The following CFAP299 variants were observed in gnomAD, a reference collection of about 807,000 sequenced individuals.
The protein encoded by CFAP299 is cilia and flagella associated protein 299.
CFAP299 carries 21 observed loss-of-function variants against 27.0 expected under a neutral mutation model. The observed-to-expected ratio is 0.78, with a 90% confidence interval of 0.55 to 1.12. CFAP299 has a LOEUF of 1.12. CFAP299 is among the 50% of genes most tolerant of loss of function. The pLI, the probability that CFAP299 is intolerant of heterozygous loss-of-function variation, is 0.00. For missense variants in CFAP299, 310 were observed against 276.6 expected, an observed-to-expected ratio of 1.12 and a Z score of -0.86; for synonymous variants, 104 against 98.1, an observed-to-expected ratio of 1.06 and a Z score of -0.36.
chr4:80,652,211 A>C (rs964121509), intron 3 of CFAP299, among the ~76,000 whole-genome samples: 1 of 152,134 alleles, frequency 6.6e-6, no homozygotes, highest in African/African-American at 2.4e-5. Context: ...TGTTGCCAGA[A>C]TATTTCATCA....
At chr4:80,938,421 A>G (rs981072578) in intron 4 of CFAP299, among the ~76,000 whole-genome samples, 7 of 152,228 alleles carry the variant, frequency 4.6e-5, no homozygotes, top group African/African-American at 1.7e-4. Flanking sequence ...CCTTAAAGAC[A>G]TGATCCTGCT....
At chr4:80,710,483 C>CTT (rs372010060) in intron 3 of CFAP299, among the ~76,000 whole-genome samples, 979 of 94,958 alleles carry the variant, frequency 0.01, 15 homozygotes, top group South Asian at 0.071. Context: ...TTTTCTTTTT[C>CTT]TTTTTTTTTT....
At chr4:80,511,354 C>T (rs900024846) in intron 2 of CFAP299, among the ~76,000 whole-genome samples, 7 of 152,140 alleles carry the variant, frequency 4.6e-5, no homozygotes, top group Admixed American at 2.0e-4. Flanking sequence ...CACATAGCAT[C>T]TAACAATTTA....
intron 1 of CFAP299, 41 bp downstream of exon 1, chr4:80,335,920 C>T (rs761543995): frequency 1.6e-6 from 2 of 1,255,572 alleles, no homozygotes; most frequent in African/African-American, 1.5e-5. Flanking sequence ...GCCGCGCGTC[C>T]CTCGGTCCCT....
intron 3 of CFAP299, among the ~76,000 whole-genome samples, chr4:80,636,805 T>A (rs935553661): frequency 1.3e-5 from 2 of 152,192 alleles, no homozygotes; most frequent in African/African-American, 4.8e-5. Flanking sequence ...AATGGCAAAG[T>A]TGACTAATTG....
Position 80,386,727 on chromosome 4 carries a change from C to G in CFAP299, c.242+23843C>G, listed in dbSNP as rs914808137. ...AGGGCGCATTTGTGGAGCTTCATGCCGGAGTGGGAGAGGACATGGGCCTTC... is the reference window on the plus strand; with the variant it reads ...AGGGCGCATTTGTGGAGCTTCATGCGGGAGTGGGAGAGGACATGGGCCTTC... On this transcript the variant is annotated intron_variant, in intron 2 of 5. Coordinates refer to ENST00000358105, the MANE Select transcript of CFAP299 (RefSeq NM_152770.3). The G allele has an allele frequency of 5.8e-6, 9 of 1,557,850 alleles. No individual in the cohort carries two copies. The Admixed American group carries it at 6.8e-5, about 12-fold the overall frequency.
At chr4:80,329,139 AAGATAATTC>A in the CFAP299 span, among the ~76,000 whole-genome samples, 1 of 150,818 alleles carries the variant, frequency 6.6e-6, no homozygotes, top group South Asian at 2.1e-4. Flanking sequence ...TGTGTGGCCC[AAGATAATTC>A]TTCTTCCAAT....
chr4:80,415,130 C>T (rs915232483), intron 2 of CFAP299, among the ~76,000 whole-genome samples: 7 of 152,112 alleles, frequency 4.6e-5, no homozygotes, highest in African/African-American at 1.7e-4. Context: ...ATTAAGTCAA[C>T]TTAAAAAATG....
chr4:80,951,410 A>T (rs993841484), intron 5 of CFAP299, among the ~76,000 whole-genome samples: 16 of 152,216 alleles, frequency 1.1e-4, no homozygotes, highest in Non-Finnish European at 1.9e-4. Flanking sequence ...AATACTCCTG[A>T]CTATTAAGCC....
intron 4 of CFAP299, among the ~76,000 whole-genome samples, chr4:80,927,563 G>A (rs1265418694): frequency 6.6e-6 from 1 of 152,046 alleles, no homozygotes; most frequent in Non-Finnish European, 1.5e-5. Context: ...GTCTCACAAG[G>A]CTGAAATCAA....
chr4:80,760,679 T>C (rs1725498870), intron 3 of CFAP299, among the ~76,000 whole-genome samples: 1 of 152,206 alleles, frequency 6.6e-6, no homozygotes, highest in Non-Finnish European at 1.5e-5. Context: ...GATACAATTC[T>C]AAACAAGACC....
intron 4 of CFAP299, among the ~76,000 whole-genome samples, chr4:80,929,273 G>C (rs1173024945): frequency 6.7e-6 from 1 of 149,564 alleles, no homozygotes; most frequent in South Asian, 2.1e-4. Context: ...CTACTCATCC[G>C]GTCTCTGGCA....
intron 1 of CFAP299, among the ~76,000 whole-genome samples, chr4:80,341,422 G>A (rs909039107): frequency 7.9e-5 from 12 of 152,296 alleles, no homozygotes; most frequent in African/African-American, 2.6e-4. Flanking sequence ...ACCTCCTACA[G>A]GAGGGTCTGG....
At chr4:80,807,111 C>T (rs568518559) in intron 3 of CFAP299, among the ~76,000 whole-genome samples, 1 of 152,034 alleles carries the variant, frequency 6.6e-6, no homozygotes, top group African/African-American at 2.4e-5. Flanking sequence ...CCTGAATGAA[C>T]AGAAATCTGC....
chr4:80,476,954 C>T lies in CFAP299; in HGVS notation c.243-106139C>T, dbSNP rs540425183. On this transcript the variant is annotated intron_variant, in intron 2 of 5. Transcript: ENST00000358105. ...TTTTGTGTGTGTGTGCGTGTGTGTGCGCATGCGTGTGTGTGTGTGTGTGTG... is the reference window on the plus strand; with the variant it reads ...TTTTGTGTGTGTGTGCGTGTGTGTGTGCATGCGTGTGTGTGTGTGTGTGTG... Among the ~76,000 whole-genome samples the T allele has an allele frequency of 6.9e-3, 840 of 122,106 alleles. 5 individuals are homozygous for T. The highest frequency in any genetic ancestry group is 0.02 in the Middle Eastern group (5 of 252). 80.1% of individuals were successfully genotyped at this position (122,106 alleles called of 152,430 possible).
chr4:80,327,690 TTATATATA>T, the CFAP299 span, among the ~76,000 whole-genome samples: 87 of 51,236 alleles, frequency 1.7e-3, no homozygotes, highest in African/African-American at 3.8e-3. Context: ...TAGAGAGAAG[TTATATATA>T]TATATATATA....
At chr4:80,882,415 G>C (rs187825138) in intron 4 of CFAP299, among the ~76,000 whole-genome samples, 55 of 152,204 alleles carry the variant, frequency 3.6e-4, no homozygotes, top group Non-Finnish European at 7.2e-4. Flanking sequence ...GAGGCGGGCG[G>C]ATTACGAGGT....
chr4:80,623,195 G>T (rs529593114), intron 3 of CFAP299, among the ~76,000 whole-genome samples: 47 of 151,768 alleles, frequency 3.1e-4, no homozygotes, highest in South Asian at 6.3e-4. Flanking sequence ...AGGGGAAAGG[G>T]GTATTCCTTT....
At chr4:80,780,080 A>G (rs918565003) in intron 3 of CFAP299, among the ~76,000 whole-genome samples, 6 of 151,804 alleles carry the variant, frequency 4.0e-5, no homozygotes, top group Non-Finnish European at 8.8e-5. Flanking sequence ...TGTTCATTTT[A>G]TGCTTTGATT....
Sources: gnomAD v4.1 joint callset for allele counts (sites outside exome capture counted in the v4.1 genomes callset) on GRCh38, gnomAD v4.1.1 for gene constraint, MANE v1.5 for transcripts, NCBI Gene and HGNC (gene_info 2026-07-23, HGNC 2026-07-21) for gene names.